Variants in CPM observed in about 807,000 individuals in gnomAD.
The protein encoded by CPM is renal carboxypeptidase.
In CPM, 35 loss-of-function variants were observed where a neutral mutation model predicts 46.4. That is an observed-to-expected ratio of 0.75 (90% CI 0.58 to 1.00). The LOEUF (loss-of-function observed/expected upper bound fraction) is 1.00. Among genes scored for constraint, CPM ranks in the 50% least tolerant of loss-of-function variants. The pLI, the probability that CPM is intolerant of heterozygous loss-of-function variation, is 0.00. For missense variants in CPM, 422 were observed against 530.4 expected, an observed-to-expected ratio of 0.80 and a Z score of 2.01; for synonymous variants, 195 against 195.3, an observed-to-expected ratio of 1.00 and a Z score of 0.01.
At chr12:68,880,525 C>A (rs1886143544) in intron 3 of CPM, among the ~76,000 whole-genome samples, 1 of 152,154 alleles carries the variant, frequency 6.6e-6, no homozygotes, top group African/African-American at 2.4e-5. Context: ...ACTTAGTATC[C>A]ATCCCAGTGA....
intron 2 of CPM, among the ~76,000 whole-genome samples, chr12:68,893,640 T>C (rs1396578406): frequency 1.3e-5 from 2 of 152,182 alleles, no homozygotes; most frequent in Non-Finnish European, 2.9e-5. Context: ...AGTTTTGCAG[T>C]TCAGTTTAAT....
chr12:68,932,811 C>T lies in CPM; in HGVS notation c.27G>A (p.Gly9=). 1 of 1,614,114 alleles carries T rather than the reference C, an allele frequency of 6.2e-7. No individual in the cohort carries two copies. The highest frequency in any genetic ancestry group is 8.5e-7 in the Non-Finnish European group (1 of 1,180,006). ...GCGCAGCTACCAAAGGCAGCAACAGCCCTAGCCAGAGGCACGGGAAGTCCA... is the reference window on the plus strand; with the variant it reads ...GCGCAGCTACCAAAGGCAGCAACAGTCCTAGCCAGAGGCACGGGAAGTCCA... MDFPCLWL[G]LLLPLVAALD... Residue 9 remains glycine, a synonymous_variant, in exon 2 of 9, where the codon GGG becomes GGA. Coordinates refer to ENST00000551568, the MANE Select transcript of CPM (RefSeq NM_198320.5).
At chr12:68,925,147 T>C (rs1310075918) in intron 2 of CPM, among the ~76,000 whole-genome samples, 1 of 152,188 alleles carries the variant, frequency 6.6e-6, no homozygotes, top group African/African-American at 2.4e-5. Flanking sequence ...CTAGTGTAAG[T>C]TTTAGAAGAG....
intron 2 of CPM, among the ~76,000 whole-genome samples, chr12:68,895,110 C>G (rs1886816351): frequency 1.3e-5 from 2 of 151,952 alleles, no homozygotes; most frequent in Admixed American, 1.3e-4. Context: ...TTTTGCTCCC[C>G]TGCTGTGTCT....
chr12:68,952,149 T>C (rs982869601), intron 1 of CPM, among the ~76,000 whole-genome samples: 2 of 152,218 alleles, frequency 1.3e-5, no homozygotes, highest in Non-Finnish European at 2.9e-5. Flanking sequence ...TAAAGATTGC[T>C]TTTTTGAGGG....
At chr12:68,883,048 G>A (rs905478489) in intron 3 of CPM, among the ~76,000 whole-genome samples, 1 of 152,112 alleles carries the variant, frequency 6.6e-6, no homozygotes, top group Non-Finnish European at 1.5e-5. Context: ...AGTGGGGGTG[G>A]GGTCCCATTT....
intron 3 of CPM, among the ~76,000 whole-genome samples, chr12:68,874,788 CCTAT>C (rs1251692539): frequency 6.6e-6 from 1 of 152,098 alleles, no homozygotes; most frequent in African/African-American, 2.4e-5. Context: ...AAATCCCTGG[CCTAT>C]CTGAGTCCCA....
chr12:68,870,326 G>A lies in CPM; in HGVS notation c.505C>T (p.Pro169Ser). 6.2e-7 allele frequency: 1 copy of A among 1,614,200 alleles called. No homozygotes were observed. The highest frequency in any genetic ancestry group is 8.5e-7 in the Non-Finnish European group (1 of 1,180,028). Residue 169 changes from proline to serine, a missense_variant, in exon 5 of 9, where the codon CCT becomes TCT. By Grantham distance (74) the Pro-to-Ser change is moderately conservative. Transcript: ENST00000551568. ...AFEYNNVSRQ[P>S]ETVAVMKWLK... ...CACTTCATGACTGCCACAGTTTCAG[G>A]CTGCCTTGAGACATTATTATATTCA... is the stretch of plus-strand genomic sequence containing the variant.
chr12:68,932,294 A>G (rs376813847), intron 2 of CPM, among the ~76,000 whole-genome samples: 48 of 152,258 alleles, frequency 3.2e-4, no homozygotes, highest in East Asian at 9.6e-4. Flanking sequence ...TGACATTAAC[A>G]GTCCAAGTCA....
At chr12:68,863,479 C>T (rs770493398) in intron 7 of CPM, among the ~76,000 whole-genome samples, 26 of 152,272 alleles carry the variant, frequency 1.7e-4, no homozygotes, top group Non-Finnish European at 2.9e-4. Flanking sequence ...ATCCTCTAAG[C>T]AGGACAACAC....
chr12:68,948,547 G>A (rs1888884231), intron 1 of CPM, among the ~76,000 whole-genome samples: 1 of 152,080 alleles, frequency 6.6e-6, no homozygotes, highest in Non-Finnish European at 1.5e-5. Context: ...TAGGGAGGAG[G>A]TCCCTCTACT....
intron 2 of CPM, among the ~76,000 whole-genome samples, chr12:68,886,256 A>G (rs1347690494): frequency 6.6e-6 from 1 of 152,062 alleles, no homozygotes; most frequent in Non-Finnish European, 1.5e-5. Flanking sequence ...ACACAATTAT[A>G]TAAAGTTAAA....
chr12:68,920,673 T>C (rs927515018), intron 2 of CPM, among the ~76,000 whole-genome samples: 5 of 131,764 alleles, frequency 3.8e-5, no homozygotes, highest in Non-Finnish European at 7.6e-5. Flanking sequence ...TGCTTAAGCT[T>C]TTTTTTTCTT....
chr12:68,858,853 T>A, intron 8 of CPM, 70 bp downstream of exon 8: 1 of 1,011,774 alleles, frequency 9.9e-7, no homozygotes. Context: ...TATTTTGGAT[T>A]CCTTCTGGGT....
At chr12:68,857,793 T>C (rs191423390) in intron 8 of CPM, among the ~76,000 whole-genome samples, 1 of 152,324 alleles carries the variant, frequency 6.6e-6, no homozygotes, top group Non-Finnish European at 1.5e-5. Context: ...AATTCATAAC[T>C]TTATTCTAAA....
At chr12:68,916,906 A>AGAGAG (rs1251106781) in intron 2 of CPM, among the ~76,000 whole-genome samples, 1 of 142,684 alleles carries the variant, frequency 7.0e-6, no homozygotes, top group African/African-American at 2.8e-5. Context: ...AAAAAAAAAA[A>AGAGAG]AGAGAGAGAG....
rs544770704 is a variant in CPM, at chr12:68,886,154, T to C, written c.161-265A>G. Among the ~76,000 whole-genome samples, 4 of 152,314 alleles carry C rather than the reference T, an allele frequency of 2.6e-5. No homozygotes were observed. The South Asian group carries it at 6.2e-4, about 24-fold the overall frequency. On this transcript the variant is annotated intron_variant, in intron 2 of 8. Transcript: ENST00000551568. ...TAAAAGCTGAAGACTTATTAGGCGA[T>C]GTAGATCTTACTCTTCTAAAATGTG...
At chr12:68,876,498 G>C (rs1030102730) in intron 3 of CPM, among the ~76,000 whole-genome samples, 2 of 152,138 alleles carry the variant, frequency 1.3e-5, no homozygotes, top group Non-Finnish European at 2.9e-5. Flanking sequence ...GGAAACCCTG[G>C]AGAGTCCAAA....
chr12:68,921,001 C>T (rs1888017965), intron 2 of CPM, among the ~76,000 whole-genome samples: 1 of 151,844 alleles, frequency 6.6e-6, no homozygotes. Flanking sequence ...TGTGCCTGGC[C>T]CCTGCTTAAC....
Sources: allele counts gnomAD v4.1 joint callset (sites outside exome capture counted in the v4.1 genomes callset), GRCh38; gene constraint gnomAD v4.1.1; transcripts MANE v1.5; gene names NCBI Gene and HGNC (gene_info 2026-07-23, HGNC 2026-07-21).